GLDC: variants seen among roughly 807,000 people sequenced by gnomAD.
GLDC encodes the protein glycine dehydrogenase (decarboxylating), mitochondrial.
In GLDC, 104 loss-of-function variants were observed where a neutral mutation model predicts 121.3. The observed-to-expected ratio is 0.86, with a 90% CI of 0.73 to 1.01. The LOEUF is 1.01. GLDC is among the 50% of genes least tolerant of loss of function. The pLI is 0.00. For synonymous variants in GLDC, 546 were observed against 480.6 expected, an observed-to-expected ratio of 1.14 and a Z score of -1.78; for missense variants, 1,429 against 1,306.6, an observed-to-expected ratio of 1.09 and a Z score of -1.44.
At chr9:6,552,312 A>G (rs1443028952) in intron 20 of GLDC, among the ~76,000 whole-genome samples, 2 of 152,290 alleles carry the variant, frequency 1.3e-5, no homozygotes, top group East Asian at 1.9e-4. Flanking sequence ...TTTATTTCCT[A>G]TATGTGGGAA....
chr9:6,577,716 G>C (rs571500577), intron 15 of GLDC, among the ~76,000 whole-genome samples: 22 of 151,866 alleles, frequency 1.4e-4, no homozygotes, highest in Non-Finnish European at 2.9e-4. Flanking sequence ...CACACACGCA[G>C]TTTTACGCAG....
At position 6,620,216 on chromosome 9, in the gene GLDC, C is replaced by A. The variant is rs13289273; in HGVS notation, c.438G>T (p.Thr146=). ...AGTTCTCCAGTAAGTTCCGCAAAAT[C>A]GTCTGTGGCACTGAGCAGTTATAAT... The part of the protein sequence containing the change: ...MGYYNCSVPQ[T]ILRNLLENSG... Residue 146 remains threonine, a synonymous_variant, in exon 3 of 25, where the codon ACG becomes ACT. Coordinates refer to ENST00000321612, the MANE Select transcript of GLDC (RefSeq NM_000170.3). 3 of 1,613,308 alleles carry A rather than the reference C, an allele frequency of 1.9e-6. No homozygotes were observed. The highest frequency in any genetic ancestry group is 2.5e-6 in the Non-Finnish European group (3 of 1,179,780).
intron 18 of GLDC, 50 bp downstream of exon 18, chr9:6,556,103 C>A: frequency 6.7e-7 from 1 of 1,493,464 alleles, no homozygotes; most frequent in Non-Finnish European, 9.3e-7. Flanking sequence ...TTTTTTTCCA[C>A]ATATCCATTT....
intron 2 of GLDC, among the ~76,000 whole-genome samples, chr9:6,620,926 G>C (rs144146088): frequency 1.3e-5 from 2 of 152,212 alleles, no homozygotes; most frequent in Non-Finnish European, 2.9e-5. Flanking sequence ...CCAGCACTTT[G>C]AGAGGCTGAG....
rs543975571 is a variant in GLDC at position 6,618,427 on chromosome 9, C to G, written c.470+1757G>C. Among the ~76,000 whole-genome samples the G allele has an allele frequency of 2.0e-4, 31 of 152,268 alleles. No individual in the cohort carries two copies. In the South Asian group the frequency reaches 6.0e-3, roughly 30 times the overall value. On this transcript the variant is annotated intron_variant, in intron 3 of 24. Coordinates refer to ENST00000321612, the MANE Select transcript of GLDC (RefSeq NM_000170.3). ...GGTTCAAGCAATTCTCCTGCCTCAG[C>G]CTCCCAACTAGCTGCGATTACAGGC...
rs766071661 is a variant in GLDC at position 6,592,173 on chromosome 9, C to T, written c.1452G>A (p.Leu484=). The part of the protein sequence containing the change: ...ETVNEKDLDD[L]LWIFGCESSA... The stretch of plus-strand genomic sequence containing the variant: ...ATGACTCACAACCAAAGATCCACAA[C>T]AAATCGTCCAGATCTTTTTCATTGA... Residue 484 remains leucine (L), a synonymous_variant, in exon 11 of 25, where the codon TTG becomes TTA. Transcript: ENST00000321612. 5.6e-6 allele frequency: 9 copies of T among 1,607,258 alleles called. No individual in the cohort carries two copies. The highest frequency in any genetic ancestry group is 7.7e-6 in the Non-Finnish European group (9 of 1,173,984).
intron 16 of GLDC, among the ~76,000 whole-genome samples, chr9:6,564,209 T>C (rs1402093810): frequency 1.3e-5 from 2 of 151,096 alleles, no homozygotes; most frequent in Admixed American, 6.6e-5. Flanking sequence ...GATTGGGCCA[T>C]TGCACTCCAG....
At chr9:6,588,504 C>G in intron 13 of GLDC, 62 bp from the exon 14 acceptor site, 1 of 1,487,210 alleles carries the variant, frequency 6.7e-7, no homozygotes, top group Non-Finnish European at 9.4e-7. Context: ...TCAATCAACC[C>G]TCCATTCTCC....
intron 3 of GLDC, among the ~76,000 whole-genome samples, 153 bp downstream of exon 3, chr9:6,620,031 T>A (rs1229668640): frequency 6.6e-6 from 1 of 152,170 alleles, no homozygotes; most frequent in Non-Finnish European, 1.5e-5. Flanking sequence ...CATTTCTCGA[T>A]CCAGAGAAAC....
intron 4 of GLDC, among the ~76,000 whole-genome samples, chr9:6,608,897 C>A (rs1421610285): frequency 6.6e-6 from 1 of 152,032 alleles, no homozygotes; most frequent in Non-Finnish European, 1.5e-5. Flanking sequence ...GGCTGTGTGT[C>A]CCTGACAGAA....
intron 22 of GLDC, among the ~76,000 whole-genome samples, chr9:6,537,115 C>T (rs1327791757): frequency 6.6e-6 from 1 of 151,358 alleles, no homozygotes; most frequent in Non-Finnish European, 1.5e-5. Flanking sequence ...ACTGCAGCCT[C>T]AACCTCCTGG....
At chr9:6,630,225 TG>T (rs1185301141) in intron 2 of GLDC, among the ~76,000 whole-genome samples, 1 of 151,890 alleles carries the variant, frequency 6.6e-6, no homozygotes, top group Non-Finnish European at 1.5e-5. Flanking sequence ...GCCGAGATCG[TG>T]CCACTGCACC....
At chr9:6,606,753 G>A (rs1818742515) in intron 4 of GLDC, 84 bp from the exon 5 acceptor site, 6 of 848,170 alleles carry the variant, frequency 7.1e-6, no homozygotes, top group Middle Eastern at 2.3e-4. Flanking sequence ...ACATAGTACC[G>A]AGGGTAAGTC....
intron 15 of GLDC, among the ~76,000 whole-genome samples, chr9:6,574,110 A>G (rs1818016737): frequency 6.6e-6 from 1 of 152,214 alleles, no homozygotes; most frequent in Admixed American, 6.5e-5. Flanking sequence ...AAACGTAGAT[A>G]AATCAGCTGG....
intron 11 of GLDC, among the ~76,000 whole-genome samples, chr9:6,590,277 G>A (rs1316792275): frequency 6.6e-6 from 1 of 150,640 alleles, no homozygotes; most frequent in Non-Finnish European, 1.5e-5. Context: ...TCATATATCT[G>A]ATAAGGATTT....
At position 6,620,275 on chromosome 9, in the gene GLDC, T is replaced by G. The variant is rs1819061962; in HGVS notation, c.379A>C (p.Asn127His). Residue 127 changes from asparagine (N) to histidine (H), a missense_variant, in exon 3 of 25, where the codon AAC becomes CAC. Transcript: ENST00000321612. ...LATLHAISSK[N>H]QIWRSYIGMG... ...CCAATATACGATCTCCAGATCTGGT[T>G]TTTGCTTGAAATGGCATGCAGAGTT... is the stretch of plus-strand genomic sequence containing the variant. 2.5e-6 allele frequency: 4 copies of G among 1,613,774 alleles called. No homozygotes were observed. The highest frequency in any genetic ancestry group is 3.4e-6 in the Non-Finnish European group (4 of 1,179,648).
chr9:6,534,615 T>C lies in GLDC; in HGVS notation c.2919+93A>G, dbSNP rs552723644. On this transcript the variant is annotated intron_variant, in intron 24 of 24. Transcript: ENST00000321612. ...ATTTCACAAGGTGCCCCACATATGG[T>C]TTCTGTAATCATGAGGCTAAGAGCG... The C allele has an allele frequency of 9.5e-6, 7 of 737,146 alleles. No homozygotes were observed. In the East Asian group the frequency reaches 1.6e-4, roughly 17 times the overall value. The allele number at this position is 737,146 out of a possible 1,614,324, so 45.7% of individuals were successfully genotyped here.
At chr9:6,582,681 T>C (rs1225666675) in intron 15 of GLDC, among the ~76,000 whole-genome samples, 3 of 151,422 alleles carry the variant, frequency 2.0e-5, no homozygotes, top group Non-Finnish European at 4.4e-5. Context: ...TACAAAAAAT[T>C]AGCCGGGTGT....
intron 2 of GLDC, among the ~76,000 whole-genome samples, chr9:6,642,148 G>T (rs1415616058): frequency 1.3e-5 from 2 of 152,140 alleles, no homozygotes; most frequent in East Asian, 3.9e-4. Context: ...CAGGGAATGG[G>T]GGGACTTCTG....
Sources: allele counts gnomAD v4.1 joint callset (sites outside exome capture counted in the v4.1 genomes callset), GRCh38; gene constraint gnomAD v4.1.1; transcripts MANE v1.5; gene names NCBI Gene and HGNC (gene_info 2026-07-23, HGNC 2026-07-21).